Variants in GRIK3 observed in about 807,000 individuals in gnomAD.
The protein encoded by GRIK3 is glutamate receptor ionotropic, kainate 3.
In GRIK3, 29 loss-of-function variants were observed where a neutral mutation model predicts 102.5. That is an observed-to-expected ratio of 0.28 (90% CI 0.21 to 0.39). GRIK3 has a LOEUF of 0.39. Ranked by LOEUF, GRIK3 falls within the 10% of genes least tolerant of loss-of-function variation. The pLI, the probability that GRIK3 is intolerant of heterozygous loss-of-function variation, is 1.00. For synonymous variants in GRIK3, 511 were observed against 504.9 expected (o/e 1.01, Z -0.16); for missense variants, 908 against 1,252.4 (o/e 0.73, Z 4.15).
chr1:36,985,138 G>A (rs1187288118), intron 1 of GRIK3, among the ~76,000 whole-genome samples: 2 of 152,166 alleles, frequency 1.3e-5, no homozygotes, highest in Admixed American at 1.3e-4. Flanking sequence ...GCAGGCCAGA[G>A]GGGCCAAAGA....
chr1:36,815,927 T>C (rs763195767), intron 13 of GRIK3, among the ~76,000 whole-genome samples: 2 of 151,888 alleles, frequency 1.3e-5, no homozygotes, highest in Non-Finnish European at 2.9e-5. Context: ...TAATTTGTAT[T>C]TTTAGTAGAG....
At position 36,878,049 on chromosome 1, in the gene GRIK3, T is replaced by C. The variant is rs535188607; in HGVS notation, c.550+2585A>G. On this transcript the variant is annotated intron_variant, in intron 3 of 15. Transcript: ENST00000373091. ...TTAATTAGGGTTTAATTCAACTTGATTTCCAATTCAATCCAAACTAATCCA... is the reference window on the plus strand; with the variant it reads ...TTAATTAGGGTTTAATTCAACTTGACTTCCAATTCAATCCAAACTAATCCA... Among the ~76,000 whole-genome samples the C allele has an allele frequency of 2.0e-5, 3 of 152,340 alleles. No individual in the cohort carries two copies. The East Asian group carries it at 5.8e-4, about 29-fold the overall frequency.
intron 1 of GRIK3, among the ~76,000 whole-genome samples, chr1:37,029,231 T>A (rs1345693408): frequency 1.3e-5 from 2 of 152,218 alleles, no homozygotes; most frequent in Non-Finnish European, 2.9e-5. Context: ...AGTGCATCTG[T>A]CTTCCCAGAG....
In GRIK3 at chr1:36,917,980, C is replaced by T. The variant is rs144538739; in HGVS notation, c.116-26884G>A. On this transcript the variant is annotated intron_variant, in intron 1 of 15. Transcript: ENST00000373091. Reference sequence around the variant, plus strand: ...AAGGGGAGGCCAGCAGCTGCATTTGCAGAACTGGAGCAAAGTTGCAATCTC... The same window carrying T: ...AAGGGGAGGCCAGCAGCTGCATTTGTAGAACTGGAGCAAAGTTGCAATCTC... 5.4e-3 allele frequency among the ~76,000 whole-genome samples: 826 copies of T among 152,306 alleles called. 10 individuals are homozygous for T. The highest frequency in any genetic ancestry group is 0.019 in the African/African-American group (794 of 41,572).
intron 1 of GRIK3, among the ~76,000 whole-genome samples, chr1:36,987,914 G>A (rs1268671506): frequency 1.3e-5 from 2 of 152,170 alleles, no homozygotes; most frequent in Non-Finnish European, 2.9e-5. Context: ...TCATCCAGAT[G>A]GCAAGTGCCT....
intron 1 of GRIK3, among the ~76,000 whole-genome samples, chr1:36,895,418 A>AGATG (rs1047549454): frequency 6.6e-6 from 1 of 151,868 alleles, no homozygotes; most frequent in Non-Finnish European, 1.5e-5. Context: ...ATAGGCAAAG[A>AGATG]GATGGGAATT....
At chr1:36,853,871 C>T (rs1031063809) in intron 7 of GRIK3, 149 bp from the exon 8 acceptor site, 11 of 629,018 alleles carry the variant, frequency 1.7e-5, no homozygotes, top group African/African-American at 3.7e-5. Flanking sequence ...CATCATTGCT[C>T]GGGCTGCGGT....
chr1:36,812,154 T>C (rs1357255483), intron 13 of GRIK3, among the ~76,000 whole-genome samples: 3 of 151,990 alleles, frequency 2.0e-5, no homozygotes, highest in Non-Finnish European at 4.4e-5. Flanking sequence ...GCCCTCCAGC[T>C]CAAGGAAGGG....
At chr1:36,928,215 G>A (rs967394230) in intron 1 of GRIK3, among the ~76,000 whole-genome samples, 1 of 152,196 alleles carries the variant, frequency 6.6e-6, no homozygotes, top group Non-Finnish European at 1.5e-5. Context: ...GACTGGAGAG[G>A]TAGACACTGA....
intron 13 of GRIK3, among the ~76,000 whole-genome samples, chr1:36,816,689 T>A (rs1291266395): frequency 6.6e-6 from 1 of 152,190 alleles, no homozygotes; most frequent in Non-Finnish European, 1.5e-5. Flanking sequence ...ATGGACGGCA[T>A]TGAGGTCTGA....
intron 1 of GRIK3, among the ~76,000 whole-genome samples, chr1:36,906,944 A>G (rs992499391): frequency 6.6e-6 from 1 of 152,238 alleles, no homozygotes; most frequent in Non-Finnish European, 1.5e-5. Context: ...ATAACTATGT[A>G]AGATGATGAA....
At chr1:36,930,366 T>A (rs1641574445) in intron 1 of GRIK3, among the ~76,000 whole-genome samples, 1 of 152,216 alleles carries the variant, frequency 6.6e-6, no homozygotes, top group African/African-American at 2.4e-5. Context: ...TTGGTCTTTA[T>A]ACTCTGTTCT....
chr1:36,924,719 T>A (rs566777561), intron 1 of GRIK3, among the ~76,000 whole-genome samples: 100 of 152,324 alleles, frequency 6.6e-4, no homozygotes, highest in Middle Eastern at 6.8e-3. Context: ...TCAGAAACAC[T>A]GCACGGCAGT....
Position 36,853,663 on chromosome 1 carries a change from C to T in GRIK3, c.1164G>A (p.Thr388=), listed in dbSNP as rs376840852. 109 of 1,613,918 alleles carry T rather than the reference C, an allele frequency of 6.8e-5. No individual in the cohort carries two copies. Among genetic ancestry groups the T allele is most frequent in the Middle Eastern group, 6.6e-4 (4 of 6,080 alleles). Reference sequence around the variant, plus strand: ...GGCTGATGATGTCCAGATCAAAATCCGTCCGCAAGCCACTAGTTTTGTTGA... The same window carrying T: ...GGCTGATGATGTCCAGATCAAAATCTGTCCGCAAGCCACTAGTTTTGTTGA... The part of the protein sequence containing the change: ...IVFNKTSGLR[T]DFDLDIISLK... The change falls in exon 8 of 16, where the codon ACG becomes ACA. Residue 388 remains threonine (T), a synonymous_variant. Coordinates refer to ENST00000373091, the MANE Select transcript of GRIK3 (RefSeq NM_000831.4).
chr1:36,977,205 G>A (rs572035172), intron 1 of GRIK3, among the ~76,000 whole-genome samples: 24 of 152,334 alleles, frequency 1.6e-4, no homozygotes, highest in African/African-American at 5.5e-4. Context: ...AAATGGGTTA[G>A]TAATCCTTAC....
chr1:36,927,884 G>T (rs543521955), intron 1 of GRIK3, among the ~76,000 whole-genome samples: 1 of 152,040 alleles, frequency 6.6e-6, no homozygotes, highest in African/African-American at 2.4e-5. Flanking sequence ...CTTGCCCTGT[G>T]GTTCCTGATT....
At position 36,814,169 on chromosome 1, in the gene GRIK3, G is replaced by A. The variant is rs762136176; in HGVS notation, c.2091+2891C>T. 2.1e-4 allele frequency among the ~76,000 whole-genome samples: 32 copies of A among 152,292 alleles called. No homozygotes were observed. The East Asian group carries it at 2.9e-3, about 14-fold the overall frequency. The stretch of plus-strand genomic sequence containing the variant: ...GCTTGATGGTGAGGGCAGCAGCTCG[G>A]TGGGGAGCTGGGGCTAGCTTCTTGG... On this transcript the variant is annotated intron_variant, in intron 13 of 15. Coordinates refer to ENST00000373091, the MANE Select transcript of GRIK3 (RefSeq NM_000831.4).
At chr1:36,905,505 A>C (rs1447121561) in intron 1 of GRIK3, among the ~76,000 whole-genome samples, 1 of 152,016 alleles carries the variant, frequency 6.6e-6, no homozygotes, top group Non-Finnish European at 1.5e-5. Context: ...GAAAAAAAAA[A>C]CAAAGCTTTA....
In GRIK3 at chr1:36,829,176, G is replaced by A. The variant is rs374225541; in HGVS notation, c.1531-3350C>T. The stretch of plus-strand genomic sequence containing the variant: ...TCACCGTTAGTTACGATTTCCCTGA[G>A]AAAGGCATTATTTTGTCCAACTTCC... On this transcript the variant is annotated intron_variant, in intron 10 of 15. Transcript: ENST00000373091. Among the ~76,000 whole-genome samples, 9 of 152,318 alleles carry A rather than the reference G, an allele frequency of 5.9e-5. No individual in the cohort carries two copies. In the East Asian group the frequency reaches 1.7e-3, roughly 29 times the overall value.
Sources: allele counts gnomAD v4.1 joint callset (sites outside exome capture counted in the v4.1 genomes callset), GRCh38; gene constraint gnomAD v4.1.1; transcripts MANE v1.5; gene names NCBI Gene and HGNC (gene_info 2026-07-23, HGNC 2026-07-21).